Variants in OCA2 observed in about 807,000 individuals in gnomAD.
OCA2 encodes OCA2 melanosomal transmembrane protein.
OCA2 carries 77 observed loss-of-function variants against 100.2 expected under a neutral mutation model. The observed-to-expected ratio is 0.77, with a 90% CI of 0.64 to 0.93. OCA2 has a LOEUF of 0.93. Ranked by LOEUF, OCA2 falls within the 40% of genes least tolerant of loss-of-function variation. The pLI is 0.00. For synonymous variants in OCA2, 432 were observed against 439.2 expected (o/e 0.98, Z 0.21); for missense variants, 1,062 against 1,089.1 (o/e 0.98, Z 0.35).
chr15:27,900,799 C>T (rs2037898330), intron 19 of OCA2, among the ~76,000 whole-genome samples: 2 of 152,164 alleles, frequency 1.3e-5, no homozygotes, highest in Admixed American at 1.3e-4. Context: ...CCTTACATTC[C>T]AGTAGTCCCA....
At chr15:27,965,529 G>T (rs980726455) in intron 15 of OCA2, among the ~76,000 whole-genome samples, 2 of 152,140 alleles carry the variant, frequency 1.3e-5, no homozygotes, top group Non-Finnish European at 2.9e-5. Flanking sequence ...AGTCAGCATC[G>T]GAGGAACTGG....
chr15:27,988,880 A>G (rs2041450187), intron 11 of OCA2, among the ~76,000 whole-genome samples: 1 of 152,158 alleles, frequency 6.6e-6, no homozygotes, highest in African/African-American at 2.4e-5. Flanking sequence ...ATCAGGTCAC[A>G]TAGCTGGGCC....
At chr15:28,019,339 C>T (rs140282063) in intron 6 of OCA2, among the ~76,000 whole-genome samples, 9 of 124,658 alleles carry the variant, frequency 7.2e-5, no homozygotes, top group East Asian at 2.0e-4. Context: ...GAAAGGAGAG[C>T]GGGAGACAAG....
intron 2 of OCA2, among the ~76,000 whole-genome samples, chr15:28,055,287 T>C: frequency 6.6e-6 from 1 of 152,220 alleles, no homozygotes; most frequent in East Asian, 1.9e-4. Flanking sequence ...TTCTCGTCTT[T>C]CGTGTTTCTC....
intron 3 of OCA2, among the ~76,000 whole-genome samples, chr15:28,030,700 G>A (rs1277877189): frequency 6.6e-6 from 1 of 152,214 alleles, no homozygotes; most frequent in Non-Finnish European, 1.5e-5. Context: ...GCTCAGAGGT[G>A]AGTGAAGAAG....
At chr15:27,748,813 A>G in the OCA2 span, among the ~76,000 whole-genome samples, 3 of 152,192 alleles carry the variant, frequency 2.0e-5, no homozygotes, top group African/African-American at 7.2e-5. Context: ...AAAACTAAAC[A>G]CTGAAAAATA....
intron 22 of OCA2, among the ~76,000 whole-genome samples, chr15:27,846,748 A>G (rs1293499860): frequency 6.6e-6 from 1 of 151,946 alleles, no homozygotes; most frequent in African/African-American, 2.4e-5. Flanking sequence ...GGTCCTGAGC[A>G]CTCTGGACTC....
At chr15:27,746,682 T>C in the OCA2 span, among the ~76,000 whole-genome samples, 1 of 152,140 alleles carries the variant, frequency 6.6e-6, no homozygotes, top group Non-Finnish European at 1.5e-5. Context: ...AGATCTGGGG[T>C]GTTCTCCTAT....
chr15:28,017,334 G>A (rs1438749099), intron 7 of OCA2, among the ~76,000 whole-genome samples: 3 of 152,086 alleles, frequency 2.0e-5, no homozygotes, highest in Non-Finnish European at 4.4e-5. Flanking sequence ...GCCACCCCAA[G>A]AGAGCAGGGA....
chr15:27,970,775 T>C (rs567502279), intron 14 of OCA2, among the ~76,000 whole-genome samples: 6 of 151,540 alleles, frequency 4.0e-5, no homozygotes, highest in Non-Finnish European at 5.9e-5. Flanking sequence ...CATCCCAGCA[T>C]GCACAGTATG....
intron 23 of OCA2, among the ~76,000 whole-genome samples, chr15:27,767,171 C>T (rs58530233): frequency 0.03 from 4,630 of 152,314 alleles, 230 homozygotes; most frequent in African/African-American, 0.11. Flanking sequence ...TATCAAGCTA[C>T]AGATGGTCTT....
intron 17 of OCA2, 82 bp downstream of exon 17, chr15:27,955,076 C>G (rs2040174245): frequency 1.0e-6 from 1 of 971,058 alleles, no homozygotes; most frequent in Admixed American, 1.7e-5. Context: ...GGCATTCAGT[C>G]ACGTGAGGGA....
chr15:28,025,969 C>T (rs1013239085), intron 4 of OCA2, among the ~76,000 whole-genome samples: 1 of 152,224 alleles, frequency 6.6e-6, no homozygotes, highest in Non-Finnish European at 1.5e-5. Context: ...AATCAGTTCA[C>T]GCTTCCCAAT....
intron 22 of OCA2, among the ~76,000 whole-genome samples, chr15:27,847,429 G>A (rs552327434): frequency 2.3e-4 from 35 of 152,252 alleles, no homozygotes; most frequent in African/African-American, 7.7e-4. Flanking sequence ...TTTTGATGAC[G>A]AAGGCAAAGG....
At chr15:27,937,785 T>A (rs1252719642) in intron 18 of OCA2, among the ~76,000 whole-genome samples, 2 of 152,232 alleles carry the variant, frequency 1.3e-5, no homozygotes, top group Non-Finnish European at 2.9e-5. Flanking sequence ...GCTCTATAGA[T>A]GTTCTTTTTA....
rs148391193 is a variant in OCA2, at chr15:27,903,227, C to T, written c.2079+22900G>A. 3.2e-3 allele frequency among the ~76,000 whole-genome samples: 487 copies of T among 152,306 alleles called. 2 individuals carry two copies. The highest frequency in any genetic ancestry group is 0.011 in the African/African-American group (454 of 41,588). On this transcript the variant is annotated intron_variant, in intron 19 of 23. Transcript: ENST00000354638. ...TCAAAGCAGGCTTTCGCGTAAGTCC[C>T]GACGGTCTGTCCTCACCCAGCTGTG...
chr15:27,910,297 T>C (rs1414547365), intron 19 of OCA2, among the ~76,000 whole-genome samples: 4 of 152,158 alleles, frequency 2.6e-5, no homozygotes, highest in Non-Finnish European at 5.9e-5. Context: ...CAATGAAGAA[T>C]AAAACATGCA....
intron 2 of OCA2, among the ~76,000 whole-genome samples, chr15:28,071,033 C>T (rs1020268078): frequency 2.9e-5 from 4 of 139,664 alleles, no homozygotes; most frequent in East Asian, 2.1e-4. Flanking sequence ...TGCGGAAGGC[C>T]GCAGGGTCCT....
At chr15:27,953,421 T>C (rs921221) in intron 17 of OCA2, among the ~76,000 whole-genome samples, 91,147 of 151,992 alleles carry the variant, frequency 0.6, 30,503 homozygotes, top group Non-Finnish European at 0.77. Context: ...CCCTGTCGCC[T>C]CTCTGGGGAA....
Sources: allele counts gnomAD v4.1 joint callset (sites outside exome capture counted in the v4.1 genomes callset), GRCh38; gene constraint gnomAD v4.1.1; transcripts MANE v1.5; gene names NCBI Gene and HGNC (gene_info 2026-07-23, HGNC 2026-07-21).